TYK2: variants seen among roughly 807,000 people sequenced by gnomAD.
The protein encoded by TYK2 is tyrosine kinase 2, also known as non-receptor tyrosine-protein kinase TYK2.
In TYK2, 65 loss-of-function variants were observed where a neutral mutation model predicts 130.9. The ratio of observed to expected loss-of-function variants is 0.50; its 90% CI spans 0.41 to 0.61. TYK2 has a LOEUF of 0.61. TYK2 is among the 20% of genes least tolerant of loss of function. The probability of loss-of-function intolerance (pLI) is 0.00; values close to 1 mark genes in which losing one functional copy is unlikely to be tolerated. For missense variants in TYK2, 1,378 were observed against 1,610.7 expected (o/e 0.86, Z 2.47); for synonymous variants, 647 against 658.9 (o/e 0.98, Z 0.28).
At position 10,353,869 on chromosome 19, in the gene TYK2, C is replaced by G. The variant is rs1331396377; in HGVS notation, c.2908+173G>C. Reference sequence around the variant, plus strand: ...CCTGGCCCCAGCAGGTAGCACCCCCCAGATGGGAAGGAGGCAGCCCAGCCA... The same window carrying G: ...CCTGGCCCCAGCAGGTAGCACCCCCGAGATGGGAAGGAGGCAGCCCAGCCA... On this transcript the variant is annotated intron_variant, in intron 20 of 24. Transcript: ENST00000525621. This position sits in a 1 kb window ranked among gnomAD's most constrained non-coding sequence, Gnocchi z 6.9. 2.6e-6 allele frequency: 2 copies of G among 775,520 alleles called. No homozygotes were observed. The highest frequency in any genetic ancestry group is 5.4e-5 in the East Asian group (2 of 37,262). 48.0% of individuals were successfully genotyped at this position (775,520 alleles called of 1,614,324 possible).
chr19:10,366,662 C>A, intron 5 of TYK2, 82 bp from the exon 6 acceptor site: 4 of 1,499,008 alleles, frequency 2.7e-6, no homozygotes, highest in Non-Finnish European at 3.7e-6. Context: ...TTCTGGCTAC[C>A]CTGGACCACA....
chr19:10,366,000 C>T lies in TYK2; in HGVS notation c.630-102G>A, dbSNP rs566569980. On this transcript the variant is annotated intron_variant, in intron 6 of 24. Coordinates refer to ENST00000525621, the MANE Select transcript of TYK2 (RefSeq NM_003331.5). ...TAACCTCTTTGAGCCTCAGCTGCCT[C>T]ATCTGGAAAACAGGCACACTAGCCA... 266 of 1,296,580 alleles carry T rather than the reference C, an allele frequency of 2.1e-4. 1 individual carries two copies. The African/African-American group carries it at 3.6e-3, about 18-fold the overall frequency. 80.3% of individuals were successfully genotyped at this position (1,296,580 alleles called of 1,614,324 possible).
chr19:10,377,877 C>T (rs979074873), intron 3 of TYK2, among the ~76,000 whole-genome samples: 1 of 5,022 alleles, frequency 2.0e-4, no homozygotes, highest in African/African-American at 9.8e-4. Flanking sequence ...TGGATGGATG[C>T]GTGGGTGGAT....
intron 15 of TYK2, 54 bp from the exon 16 acceptor site, chr19:10,358,192 C>T: frequency 1.9e-6 from 3 of 1,548,312 alleles, no homozygotes; most frequent in Non-Finnish European, 2.6e-6. Context: ...CAGACGCCAA[C>T]CCCAAACCTG....
intron 3 of TYK2, among the ~76,000 whole-genome samples, chr19:10,377,418 G>A (rs2042167063): frequency 6.9e-6 from 1 of 145,836 alleles, no homozygotes; most frequent in South Asian, 2.2e-4. Context: ...ATGGATGGAT[G>A]GATGGATGGA....
chr19:10,356,987 A>G (rs772883770), intron 17 of TYK2: 269 of 537,824 alleles, frequency 5.0e-4, no homozygotes, highest in Non-Finnish European at 8.1e-4. Context: ...CCTCCTGTAG[A>G]CCACAGCTCC....
chr19:10,375,276 A>G (rs145758170), intron 3 of TYK2, among the ~76,000 whole-genome samples: 62 of 152,288 alleles, frequency 4.1e-4, no homozygotes, highest in African/African-American at 1.3e-3. Context: ...TGGGGGAGGT[A>G]AGAGGAGTTT....
intron 14 of TYK2, 113 bp from the exon 15 acceptor site, chr19:10,359,415 G>A: frequency 7.6e-7 from 1 of 1,311,294 alleles, no homozygotes; most frequent in Non-Finnish European, 1.1e-6. Flanking sequence ...AGGTGTCAGG[G>A]CAGAGGTGTG....
chr19:10,377,874 A>ATGGGTGGG (rs1568347038), intron 3 of TYK2, among the ~76,000 whole-genome samples: 1 of 17,328 alleles, frequency 5.8e-5, no homozygotes, highest in African/African-American at 2.8e-4. Context: ...GGGTGGATGG[A>ATGGGTGGG]TGCGTGGGTG....
chr19:10,372,484 A>ATATT lies in TYK2; in HGVS notation c.194-4067_194-4066insAATA, dbSNP rs1390400916. Among the ~76,000 whole-genome samples the ATATT allele has an allele frequency of 6.9e-3, 258 of 37,418 alleles. 4 individuals carry two copies. The highest frequency in any genetic ancestry group is 0.01 in the Non-Finnish European group (224 of 22,296). 24.5% of individuals were successfully genotyped at this position (37,418 alleles called of 152,430 possible). A position where few individuals can be genotyped will look rare whatever the true frequency, so the allele number is the denominator to read the frequency against. ...TATATATATATATATATATATATAT[A>ATATT]TTTTTTTTTTTTTTTTTTTTTTTGA... On this transcript the variant is annotated intron_variant, in intron 3 of 24. Coordinates refer to ENST00000525621, the MANE Select transcript of TYK2 (RefSeq NM_003331.5).
intron 3 of TYK2, among the ~76,000 whole-genome samples, chr19:10,376,102 T>G (rs2145344478): frequency 6.8e-6 from 1 of 146,048 alleles, no homozygotes; most frequent in Non-Finnish European, 1.5e-5. Flanking sequence ...AGCCTCCACC[T>G]CCCAAGTTCA....
rs1192728497 is a variant in TYK2, at chr19:10,379,783, A to C, written c.-185-4T>G. 1 of 152,346 alleles carries C rather than the reference A, an allele frequency of 6.6e-6. No individual in the cohort carries two copies. The highest frequency in any genetic ancestry group is 1.5e-5 in the Non-Finnish European group (1 of 68,040). The allele number at this position is 152,346 out of a possible 1,614,324, so 9.4% of individuals were successfully genotyped here. On this transcript the variant is annotated splice_polypyrimidine_tract_variant and splice_region_variant and intron_variant, in intron 1 of 24. Transcript: ENST00000525621. ...TATTACACATTCAGCACAGACCCTGATTCAGGCACACACAAAAAGAACAAA... is the reference window on the plus strand; with the variant it reads ...TATTACACATTCAGCACAGACCCTGCTTCAGGCACACACAAAAAGAACAAA...
intron 4 of TYK2, 38 bp from the exon 5 acceptor site, chr19:10,368,240 A>T (rs1196333114): frequency 6.2e-7 from 1 of 1,614,030 alleles, no homozygotes; most frequent in African/African-American, 1.3e-5. Flanking sequence ...CTTAGCACAG[A>T]GTCAGACCAG....
At chr19:10,373,023 C>A (rs993293336) in intron 3 of TYK2, among the ~76,000 whole-genome samples, 4 of 151,804 alleles carry the variant, frequency 2.6e-5, no homozygotes, top group African/African-American at 9.7e-5. Context: ...GCCACCATGC[C>A]CAGCTAATTT....
At chr19:10,362,694 G>A (rs1032272543) in intron 9 of TYK2, 37 bp from the exon 10 acceptor site, 1 of 1,524,864 alleles carries the variant, frequency 6.6e-7, no homozygotes, top group African/African-American at 1.4e-5. Flanking sequence ...AGGCCACCTG[G>A]GGCCACTCTG....
At chr19:10,380,304 G>C (rs2042317349) in intron 1 of TYK2, 76 bp downstream of exon 1, 1 of 152,522 alleles carries the variant, frequency 6.6e-6, no homozygotes. Context: ...AACTGGGAAG[G>C]CTGCACGCCC....
intron 17 of TYK2, 75 bp from the exon 18 acceptor site, chr19:10,356,793 G>A (rs768475385): frequency 7.0e-5 from 105 of 1,500,202 alleles, no homozygotes; most frequent in Non-Finnish European, 8.9e-5. Context: ...GCAGAGTCAA[G>A]TCCCCAGAGT....
At chr19:10,372,484 A>ATATATATATATATATT (rs1390400916) in intron 3 of TYK2, among the ~76,000 whole-genome samples, 5 of 37,422 alleles carry the variant, frequency 1.3e-4, no homozygotes, top group Non-Finnish European at 2.2e-4. Flanking sequence ...ATATATATAT[A>ATATATATATATATATT]TTTTTTTTTT....
At chr19:10,363,335 G>A (rs770197737) in intron 9 of TYK2, among the ~76,000 whole-genome samples, 1 of 151,834 alleles carries the variant, frequency 6.6e-6, no homozygotes, top group African/African-American at 2.4e-5. Context: ...GATTACAGGT[G>A]TGCCCAGCTA....
Sources: allele counts gnomAD v4.1 joint callset (sites outside exome capture counted in the v4.1 genomes callset), GRCh38; gene constraint gnomAD v4.1.1; non-coding constraint Gnocchi (gnomAD v3.1); transcripts MANE v1.5; gene names NCBI Gene and HGNC (gene_info 2026-07-23, HGNC 2026-07-21).